Variants in LRFN5 observed in about 807,000 individuals in gnomAD.
The protein encoded by LRFN5 is leucine rich repeat and fibronectin type III domain containing 5, also known as leucine-rich repeat and fibronectin type-III domain-containing protein 5.
LRFN5 carries 24 observed loss-of-function variants against 45.6 expected under a neutral mutation model. The observed-to-expected ratio is 0.53, with a 90% CI of 0.38 to 0.74. The LOEUF (loss-of-function observed/expected upper bound fraction) is 0.74, where lower values mean the gene tolerates loss of function less well. LRFN5 is among the 30% of genes least tolerant of loss of function. The probability of loss-of-function intolerance (pLI) is 0.00; values close to 1 mark genes in which losing one functional copy is unlikely to be tolerated. For synonymous variants in LRFN5, 340 were observed against 313.8 expected (o/e 1.08, Z -0.88); for missense variants, 776 against 861.5 (o/e 0.90, Z 1.24).
intron 1 of LRFN5, among the ~76,000 whole-genome samples, chr14:41,653,353 A>C (rs761083755): frequency 4.6e-5 from 7 of 152,146 alleles, no homozygotes; most frequent in South Asian, 2.1e-4. Context: ...GGTGTAAGGT[A>C]GGGTTCAGTT....
At chr14:41,823,305 A>G (rs139598369) in intron 2 of LRFN5, among the ~76,000 whole-genome samples, 267 of 151,740 alleles carry the variant, frequency 1.8e-3, no homozygotes, top group African/African-American at 6.1e-3. Context: ...ACGTCCTTTG[A>G]TCATTTATTG....
intron 2 of LRFN5, among the ~76,000 whole-genome samples, chr14:41,785,867 C>T (rs930252124): frequency 5.9e-5 from 9 of 152,210 alleles, no homozygotes; most frequent in Middle Eastern, 3.4e-3. Context: ...GAGAATCTAA[C>T]GCCATCTAAT....
intron 2 of LRFN5, among the ~76,000 whole-genome samples, chr14:41,803,795 A>C (rs751840762): frequency 1.3e-5 from 2 of 152,182 alleles, no homozygotes; most frequent in Non-Finnish European, 2.9e-5. Context: ...TTATCAAGAC[A>C]GAGGAAATGC....
At chr14:41,749,030 G>T (rs1885027716) in intron 1 of LRFN5, among the ~76,000 whole-genome samples, 1 of 152,010 alleles carries the variant, frequency 6.6e-6, no homozygotes, top group Non-Finnish European at 1.5e-5. Flanking sequence ...ACACCAGACA[G>T]AGAATAATTG....
intron 1 of LRFN5, among the ~76,000 whole-genome samples, chr14:41,617,400 A>T (rs1887963623): frequency 6.6e-6 from 1 of 152,108 alleles, no homozygotes; most frequent in Admixed American, 6.6e-5. Context: ...AAATCCAAAC[A>T]TTTTTGGTTC....
intron 2 of LRFN5, among the ~76,000 whole-genome samples, chr14:41,795,187 C>T (rs79328209): frequency 0.014 from 2,186 of 152,146 alleles, 46 homozygotes; most frequent in African/African-American, 0.049. Context: ...TGCTCATCAT[C>T]GCTGGCCATC....
chr14:41,773,492 T>C (rs1040622467), intron 2 of LRFN5, among the ~76,000 whole-genome samples: 2 of 152,212 alleles, frequency 1.3e-5, no homozygotes, highest in African/African-American at 4.8e-5. Context: ...TTGCTCAACA[T>C]TAAAATGCCT....
chr14:41,811,768 G>C (rs1302704184), intron 2 of LRFN5, among the ~76,000 whole-genome samples: 1 of 152,026 alleles, frequency 6.6e-6, no homozygotes, highest in Non-Finnish European at 1.5e-5. Flanking sequence ...CAGGTGGGAA[G>C]GCTTGGGAGA....
Position 41,745,172 on chromosome 14 carries a change from A to G in LRFN5, c.-196-21682A>G, listed in dbSNP as rs545820340. Among the ~76,000 whole-genome samples, 50 of 152,250 alleles carry G rather than the reference A, an allele frequency of 3.3e-4. No individual in the cohort carries two copies. The South Asian group carries it at 0.01, about 31-fold the overall frequency. On this transcript the variant is annotated intron_variant, in intron 1 of 5. Coordinates refer to ENST00000298119, the MANE Select transcript of LRFN5 (RefSeq NM_152447.5). ...TTTTAAAAGATTGATATCACATAAA[A>G]TATTTACTCTGGTGACAATGGCAGA...
chr14:41,880,271 C>A (rs879460631), intron 2 of LRFN5, among the ~76,000 whole-genome samples: 6 of 150,214 alleles, frequency 4.0e-5, no homozygotes, highest in Non-Finnish European at 8.9e-5. Context: ...TGTATTATTT[C>A]TATTTTTTGA....
chr14:41,618,914 T>C (rs549810675), intron 1 of LRFN5, among the ~76,000 whole-genome samples: 1 of 152,332 alleles, frequency 6.6e-6, no homozygotes, highest in African/African-American at 2.4e-5. Context: ...TGCTGATTTC[T>C]CAGTAGGTAA....
intron 1 of LRFN5, among the ~76,000 whole-genome samples, chr14:41,667,648 C>A (rs920843371): frequency 3.9e-5 from 6 of 152,046 alleles, no homozygotes; most frequent in African/African-American, 1.4e-4. Flanking sequence ...ATTCCTTTTT[C>A]CCTAGTGTCA....
At chr14:41,877,502 C>A (rs1174780192) in intron 2 of LRFN5, among the ~76,000 whole-genome samples, 3 of 151,916 alleles carry the variant, frequency 2.0e-5, no homozygotes, top group Non-Finnish European at 4.4e-5. Flanking sequence ...GTTTACCTAT[C>A]TTCAATAAAT....
chr14:41,756,235 T>G (rs1488612946), intron 1 of LRFN5, among the ~76,000 whole-genome samples: 3 of 152,172 alleles, frequency 2.0e-5, no homozygotes, highest in Non-Finnish European at 4.4e-5. Flanking sequence ...AATCTGACAA[T>G]TATGTGTCTT....
intron 2 of LRFN5, among the ~76,000 whole-genome samples, chr14:41,838,689 A>G (rs1473057729): frequency 1.3e-5 from 2 of 152,188 alleles, no homozygotes; most frequent in African/African-American, 4.8e-5. Context: ...TACTATAGCA[A>G]TATTTTGCAA....
chr14:41,884,227 C>T (rs1046857468), intron 2 of LRFN5, among the ~76,000 whole-genome samples: 23 of 152,314 alleles, frequency 1.5e-4, no homozygotes, highest in African/African-American at 4.8e-4. Flanking sequence ...TTTTAACTCA[C>T]TATCTCAAGG....
chr14:41,670,096 C>T (rs1195894496), intron 1 of LRFN5, among the ~76,000 whole-genome samples: 1 of 147,570 alleles, frequency 6.8e-6, no homozygotes, highest in Non-Finnish European at 1.5e-5. Context: ...TATATACACA[C>T]ATACATATCT....
intron 1 of LRFN5, among the ~76,000 whole-genome samples, chr14:41,652,425 G>A (rs557993149): frequency 3.9e-5 from 6 of 151,956 alleles, no homozygotes; most frequent in South Asian, 2.1e-4. Context: ...ATTACTTAAC[G>A]TAACAATAAA....
rs1891188938 is a variant in LRFN5, at chr14:41,904,279, GT to G, written c.*105del. Reference sequence around the variant, plus strand: ...TTCACAAAGGCTAATTGTTGAACTGGTGTCGTAGAAGAAATTGTCTACAGGA... The same window carrying G: ...TTCACAAAGGCTAATTGTTGAACTGGGTCGTAGAAGAAATTGTCTACAGGA... On this transcript the variant is annotated 3_prime_UTR_variant, in exon 6 of 6. Transcript: ENST00000298119. 6.7e-6 allele frequency: 9 copies of G among 1,351,274 alleles called. No homozygotes were observed. Among genetic ancestry groups the G allele is most frequent in the Admixed American group, 1.7e-5 (1 of 58,554 alleles). The allele number at this position is 1,351,274 out of a possible 1,614,324, so 83.7% of individuals were successfully genotyped here. A position where few individuals can be genotyped will look rare whatever the true frequency, so the allele number is the denominator to read the frequency against.
Sources: gnomAD v4.1 joint callset for allele counts (sites outside exome capture counted in the v4.1 genomes callset) on GRCh38, gnomAD v4.1.1 for gene constraint, MANE v1.5 for transcripts, NCBI Gene and HGNC (gene_info 2026-07-23, HGNC 2026-07-21) for gene names.